EMP2: variants seen among roughly 807,000 people sequenced by gnomAD.
The protein encoded by EMP2 is epithelial membrane protein 2.
A neutral mutation model predicts 13.7 loss-of-function variants in EMP2; 19 were observed. The observed-to-expected ratio is 1.38, with a 90% CI of 0.97 to 2.03. EMP2 has a LOEUF of 2.03. Ranked by LOEUF, EMP2 falls within the 30% of genes most tolerant of loss-of-function variation. The pLI is 0.00. For missense variants in EMP2, 253 were observed against 220.7 expected (o/e 1.15, Z -0.93); for synonymous variants, 97 against 84.7 (o/e 1.15, Z -0.80).
Position 10,532,957 on chromosome 16 carries a change from G to T in EMP2, c.452C>A (p.Ala151Asp). The T allele has an allele frequency of 6.2e-7, 1 of 1,608,286 alleles. No homozygotes were observed. Among genetic ancestry groups the T allele is most frequent in the Non-Finnish European group, 8.5e-7 (1 of 1,177,238 alleles). Residue 151 changes from alanine to aspartate, a missense_variant, in exon 5 of 5, where the codon GCC becomes GAC. Coordinates refer to ENST00000359543, the MANE Select transcript of EMP2 (RefSeq NM_001424.6). Reference sequence around the variant, plus strand: ...CATCATGCCGCTGATGAAGGTGCAGGCGAAGGCCACCCACGCCAGGATGTA... The same window carrying T: ...CATCATGCCGCTGATGAAGGTGCAGTCGAAGGCCACCCACGCCAGGATGTA... ...YSYILAWVAF[A>D]CTFISGMMYL...
At chr16:10,555,910 C>T (rs948862019) in intron 1 of EMP2, among the ~76,000 whole-genome samples, 1 of 152,158 alleles carries the variant, frequency 6.6e-6, no homozygotes, top group Non-Finnish European at 1.5e-5. Flanking sequence ...TTAATCTTTT[C>T]AGCTGTTTCT....
chr16:10,554,459 G>C (rs1218014836), intron 1 of EMP2, among the ~76,000 whole-genome samples: 2 of 151,912 alleles, frequency 1.3e-5, no homozygotes, highest in Non-Finnish European at 2.9e-5. Context: ...GCTTCCCCAG[G>C]GCTTTTCCAA....
At chr16:10,559,107 C>A (rs1377338778) in intron 1 of EMP2, 1 of 152,364 alleles carries the variant, frequency 6.6e-6, no homozygotes, top group African/African-American at 2.4e-5. Context: ...TGGGGAGGGC[C>A]GGGCTGGTGA....
intron 1 of EMP2, among the ~76,000 whole-genome samples, chr16:10,565,736 T>C (rs1282255960): frequency 6.6e-6 from 1 of 151,908 alleles, no homozygotes; most frequent in Non-Finnish European, 1.5e-5. Flanking sequence ...CCATGAAAAA[T>C]TTAGCACTAG....
At chr16:10,572,567 C>T (rs1477026261) in intron 1 of EMP2, among the ~76,000 whole-genome samples, 10 of 152,070 alleles carry the variant, frequency 6.6e-5, no homozygotes, top group East Asian at 3.9e-4. Context: ...ACATAGTAAG[C>T]GGCCAATAAA....
intron 1 of EMP2, among the ~76,000 whole-genome samples, chr16:10,574,285 G>C (rs2050967646): frequency 6.6e-6 from 1 of 152,056 alleles, no homozygotes; most frequent in Non-Finnish European, 1.5e-5. Context: ...ATGGCTGATG[G>C]ATATTTAGGT....
In EMP2 at chr16:10,537,400, C is replaced by T. The variant is rs34625991; in HGVS notation, c.316+528G>A. On this transcript the variant is annotated intron_variant, in intron 4 of 4. Coordinates refer to ENST00000359543, the MANE Select transcript of EMP2 (RefSeq NM_001424.6). The stretch of plus-strand genomic sequence containing the variant: ...GCAACGTGGGCACCTCTGTCACCCA[C>T]CAGCTTGAAACCTGTTGATGGCTTC... Among the ~76,000 whole-genome samples the T allele has an allele frequency of 6.7e-3, 1,022 of 152,288 alleles. 8 individuals carry two copies. Among genetic ancestry groups the T allele is most frequent in the Middle Eastern group, 0.014 (4 of 294 alleles).
chr16:10,533,851 T>C (rs1398148546), intron 4 of EMP2, among the ~76,000 whole-genome samples: 1 of 152,110 alleles, frequency 6.6e-6, no homozygotes, highest in Non-Finnish European at 1.5e-5. Context: ...CGGTGACTCA[T>C]GCCTGTAATC....
Position 10,529,857 on chromosome 16 carries a change from G to C in EMP2, c.*3048C>G, listed in dbSNP as rs990077601. 3 of 151,054 alleles carry C rather than the reference G, an allele frequency of 2.0e-5. No individual in the cohort carries two copies. The highest frequency in any genetic ancestry group is 7.3e-5 in the African/African-American group (3 of 40,820). 9.4% of individuals were successfully genotyped at this position (151,054 alleles called of 1,614,324 possible). ...GAGGCAGGAGAATCACTTGAACCCA[G>C]GAGGCAGAGGTTGCGGTGAGCCAAG... On this transcript the variant is annotated 3_prime_UTR_variant, in exon 5 of 5. Coordinates refer to ENST00000359543, the MANE Select transcript of EMP2 (RefSeq NM_001424.6).
intron 1 of EMP2, among the ~76,000 whole-genome samples, chr16:10,576,984 C>T (rs984332872): frequency 3.9e-5 from 6 of 152,214 alleles, no homozygotes; most frequent in Admixed American, 1.3e-4. Context: ...ATTGTCCCAT[C>T]AGCACGGGAG....
In EMP2 at chr16:10,531,327, T is replaced by C; in HGVS notation, c.*1578A>G. The C allele has an allele frequency of 6.5e-6, 1 of 152,898 alleles. No homozygotes were observed. Among genetic ancestry groups the C allele is most frequent in the Non-Finnish European group, 1.5e-5 (1 of 68,944 alleles). The allele number at this position is 152,898 out of a possible 1,614,324, so 9.5% of individuals were successfully genotyped here. ...GCCTCCATCACAGTGTGTAATTAGT[T>C]TCTTTTCTTTTTTTTCTTTTTTTGA... On this transcript the variant is annotated 3_prime_UTR_variant, in exon 5 of 5. Transcript: ENST00000359543.
chr16:10,553,876 C>T (rs1286555241), intron 1 of EMP2, among the ~76,000 whole-genome samples: 1 of 152,184 alleles, frequency 6.6e-6, no homozygotes, highest in Non-Finnish European at 1.5e-5. Flanking sequence ...AAGATAGATT[C>T]CTAATAGTGA....
At chr16:10,539,145 C>G (rs1350437778) in intron 3 of EMP2, among the ~76,000 whole-genome samples, 2 of 152,056 alleles carry the variant, frequency 1.3e-5, no homozygotes, top group Non-Finnish European at 2.9e-5. Context: ...TGTGTAAGAG[C>G]TGAATGCTGA....
intron 1 of EMP2, among the ~76,000 whole-genome samples, chr16:10,550,397 T>C (rs77969277): frequency 0.019 from 2,830 of 152,320 alleles, 68 homozygotes; most frequent in African/African-American, 0.064. Context: ...TAATCTGGAA[T>C]ACTTCCTCAG....
chr16:10,566,140 G>C (rs1407717927), intron 1 of EMP2, among the ~76,000 whole-genome samples: 1 of 152,158 alleles, frequency 6.6e-6, no homozygotes, highest in Non-Finnish European at 1.5e-5. Flanking sequence ...CGGACCCTAA[G>C]CTTCAGAACA....
chr16:10,572,011 A>T (rs1034391309), intron 1 of EMP2, among the ~76,000 whole-genome samples: 1 of 152,156 alleles, frequency 6.6e-6, no homozygotes, highest in Admixed American at 6.6e-5. Context: ...AAGAGAGAGG[A>T]CTCAAGGCTC....
chr16:10,541,230 C>A (rs1009563760), intron 3 of EMP2, among the ~76,000 whole-genome samples: 1 of 109,706 alleles, frequency 9.1e-6, no homozygotes, highest in East Asian at 2.8e-4. Flanking sequence ...CAGCAAGACC[C>A]TGTCTCCACT....
chr16:10,543,471 TG>T, intron 3 of EMP2, 98 bp downstream of exon 3: 1 of 1,347,510 alleles, frequency 7.4e-7, no homozygotes, highest in Non-Finnish European at 1.1e-6. Flanking sequence ...ATGCAGTGAG[TG>T]GAGGAGAGGG....
At chr16:10,561,187 G>A (rs1283637526) in intron 1 of EMP2, among the ~76,000 whole-genome samples, 1 of 152,090 alleles carries the variant, frequency 6.6e-6, no homozygotes, top group Middle Eastern at 3.2e-3. Context: ...GAGGGCACAT[G>A]ATTCTAGTGC....
Sources: allele counts gnomAD v4.1 joint callset (sites outside exome capture counted in the v4.1 genomes callset), GRCh38; gene constraint gnomAD v4.1.1; transcripts MANE v1.5; gene names NCBI Gene and HGNC (gene_info 2026-07-23, HGNC 2026-07-21).